Variants in DOCK8 observed in about 807,000 individuals in gnomAD.
DOCK8 encodes dedicator of cytokinesis 8.
In DOCK8, 141 loss-of-function variants were observed where a neutral mutation model predicts 245.6. The ratio of observed to expected loss-of-function variants is 0.57; its 90% CI spans 0.50 to 0.66. DOCK8 has a LOEUF of 0.66. Among genes scored for constraint, DOCK8 ranks in the 30% least tolerant of loss-of-function variants. DOCK8 has a pLI of 0.00. For synonymous variants in DOCK8, 1,168 were observed against 970.2 expected, an observed-to-expected ratio of 1.20 and a Z score of -3.79; for missense variants, 2,965 against 2,603.4, an observed-to-expected ratio of 1.14 and a Z score of -3.02.
intron 26 of DOCK8, among the ~76,000 whole-genome samples, chr9:403,177 C>G (rs749952394): frequency 5.3e-5 from 8 of 152,178 alleles, no homozygotes; most frequent in Non-Finnish European, 1.2e-4. Context: ...GTGTGAGCCA[C>G]CACACCCAGC....
chr9:303,067 G>A (rs2049631937), intron 4 of DOCK8, among the ~76,000 whole-genome samples: 1 of 152,054 alleles, frequency 6.6e-6, no homozygotes, highest in African/African-American at 2.4e-5. Flanking sequence ...GGCTGAGGTG[G>A]GAAGATTGCT....
At chr9:299,588 T>C (rs1242139405) in intron 4 of DOCK8, among the ~76,000 whole-genome samples, 1 of 151,994 alleles carries the variant, frequency 6.6e-6, no homozygotes, top group Non-Finnish European at 1.5e-5. Context: ...AAATCGTTTT[T>C]GGATGTTTAG....
Position 263,083 on chromosome 9 carries a change from T to C in DOCK8, c.54-8544T>C, listed in dbSNP as rs895013443. Among the ~76,000 whole-genome samples the C allele has an allele frequency of 4.6e-5, 7 of 152,134 alleles. No homozygotes were observed. In the South Asian group the frequency reaches 1.0e-3, roughly 23 times the overall value. On this transcript the variant is annotated intron_variant, in intron 1 of 47. Transcript: ENST00000432829. ...TGAGCCGGGCGTGGTGGCAGGTGCC[T>C]GTAGTCTCAGCTACTCAGGAGGCTG... is the stretch of plus-strand genomic sequence containing the variant.
intron 1 of DOCK8, among the ~76,000 whole-genome samples, chr9:234,211 G>A (rs2047192881): frequency 6.6e-6 from 1 of 152,196 alleles, no homozygotes; most frequent in African/African-American, 2.4e-5. Context: ...CTTTCAGAAT[G>A]TTGAATATTG....
Position 434,834 on chromosome 9 carries a change from G to C in DOCK8, c.4938G>C (p.Gln1646His). Residue 1646 changes from glutamine to histidine, a missense_variant, in exon 39 of 48, where the codon CAG becomes CAC. By Grantham distance (24) the Gln-to-His change is conservative. Around this residue, in one of 3 missense-constraint regions of DOCK8, gnomAD observed 2,825 missense variants for 2,453.5 expected, o/e 1.15. Coordinates refer to ENST00000432829, the MANE Select transcript of DOCK8 (RefSeq NM_203447.4). Reference sequence around the variant, plus strand: ...CTGATCTGCGGCTGACCTGGCTCCAGAACATGGCAGAGAAACACACCAAGA... The same window carrying C: ...CTGATCTGCGGCTGACCTGGCTCCACAACATGGCAGAGAAACACACCAAGA... ...ASPDLRLTWL[Q>H]NMAEKHTKKK... The C allele has an allele frequency of 1.9e-6, 3 of 1,614,154 alleles. No individual in the cohort carries two copies. The highest frequency in any genetic ancestry group is 2.5e-6 in the Non-Finnish European group (3 of 1,180,050).
intron 1 of DOCK8, among the ~76,000 whole-genome samples, chr9:263,406 T>C (rs1411197584): frequency 6.6e-6 from 1 of 152,156 alleles, no homozygotes; most frequent in Admixed American, 6.5e-5. Flanking sequence ...ACACATGAAA[T>C]CCGTTTACCC....
Position 446,397 on chromosome 9 carries a change from C to G in DOCK8, c.5608C>G (p.Pro1870Ala), listed in dbSNP as rs749473902. The change falls in exon 44 of 48, where the codon CCC becomes GCC. Residue 1870 changes from proline to alanine, a missense_variant. Pro to Ala is a conservative substitution (Grantham distance 27). Coordinates refer to ENST00000432829, the MANE Select transcript of DOCK8 (RefSeq NM_203447.4). ...KAYIQITFVE[P>A]YFDEYEMKDR... is the part of the protein sequence containing the mutation. Reference sequence around the variant, plus strand: ...CTACATACAGATCACTTTTGTGGAGCCCTACTTTGATGAGTATGAGATGAA... The same window carrying G: ...CTACATACAGATCACTTTTGTGGAGGCCTACTTTGATGAGTATGAGATGAA... The G allele has an allele frequency of 2.5e-6, 4 of 1,614,092 alleles. No individual in the cohort carries two copies. Among genetic ancestry groups the G allele is most frequent in the African/African-American group, 1.3e-5 (1 of 74,936 alleles).
chr9:288,783 G>A (rs893324127), intron 3 of DOCK8, among the ~76,000 whole-genome samples: 6 of 152,200 alleles, frequency 3.9e-5, no homozygotes, highest in African/African-American at 1.4e-4. Flanking sequence ...GAGACTGCAT[G>A]TGTAACCTTT....
intron 1 of DOCK8, among the ~76,000 whole-genome samples, chr9:221,132 C>T (rs1356059211): frequency 1.3e-5 from 2 of 152,100 alleles, no homozygotes; most frequent in South Asian, 2.1e-4. Context: ...GAACACATGT[C>T]GATGCAGCAT....
chr9:420,510 C>G lies in DOCK8; in HGVS notation c.3950C>G (p.Ala1317Gly). 6.2e-7 allele frequency: 1 copy of G among 1,614,174 alleles called. No individual in the cohort carries two copies. The highest frequency in any genetic ancestry group is 8.5e-7 in the Non-Finnish European group (1 of 1,180,038). Residue 1317 changes from alanine (A) to glycine (G), a missense_variant, in exon 31 of 48, where the codon GCT becomes GGT. Around this residue, in one of 3 missense-constraint regions of DOCK8, gnomAD observed 2,825 missense variants for 2,453.5 expected, o/e 1.15. Coordinates refer to ENST00000432829, the MANE Select transcript of DOCK8 (RefSeq NM_203447.4). ...CAGAGCCTCATTAGGAAGTGGATTG[C>G]TGACCTGCCATCAACGCAGCTCAAC... The part of the protein sequence containing the change: ...ADQSLIRKWI[A>G]DLPSTQLNRI...
chr9:402,786 C>T (rs1564019524), intron 26 of DOCK8, among the ~76,000 whole-genome samples: 1 of 152,226 alleles, frequency 6.6e-6, no homozygotes, highest in African/African-American at 2.4e-5. Context: ...AGCAAACACC[C>T]ATCCCTTGGG....
intron 16 of DOCK8, among the ~76,000 whole-genome samples, chr9:370,802 C>T (rs73641536): frequency 0.047 from 7,155 of 152,194 alleles, 534 homozygotes; most frequent in African/African-American, 0.16. Context: ...GGGAGAGACA[C>T]CTGCACAGTG....
chr9:333,324 G>T (rs182293778), intron 10 of DOCK8, among the ~76,000 whole-genome samples: 1 of 152,200 alleles, frequency 6.6e-6, no homozygotes, highest in Non-Finnish European at 1.5e-5. Flanking sequence ...GGCCTTGGCC[G>T]GGCGTGGTGG....
At chr9:311,622 A>G (rs2050114688) in intron 5 of DOCK8, among the ~76,000 whole-genome samples, 1 of 152,102 alleles carries the variant, frequency 6.6e-6, no homozygotes, top group South Asian at 2.1e-4. Context: ...ATGGTTCATT[A>G]AGAGGCTTGG....
At chr9:260,229 C>T (rs980024156) in intron 1 of DOCK8, among the ~76,000 whole-genome samples, 36 of 152,096 alleles carry the variant, frequency 2.4e-4, no homozygotes, top group African/African-American at 8.2e-4. Flanking sequence ...ACTTAGTATG[C>T]CCAAATGAAA....
chr9:355,869 A>G (rs1040815978), intron 14 of DOCK8, among the ~76,000 whole-genome samples: 5 of 152,218 alleles, frequency 3.3e-5, no homozygotes, highest in Non-Finnish European at 7.3e-5. Flanking sequence ...TACTGAGTGA[A>G]ATGGTCACTG....
intron 29 of DOCK8, among the ~76,000 whole-genome samples, chr9:416,360 G>A (rs1286752072): frequency 3.3e-5 from 5 of 152,184 alleles, no homozygotes; most frequent in South Asian, 2.1e-4. Flanking sequence ...TCAAGAGCTT[G>A]CTTGTTCCCA....
rs764270474 is a variant in DOCK8 at position 328,160 on chromosome 9, C to G, written c.1033C>G (p.Leu345Val). The part of the protein sequence containing the change: ...SVTYPSSDIY[L>V]VVKIEKVLQQ... ...CACCTACCCGTCCTCAGACATCTAC[C>G]TGGTAGTCAAGGTAATTCAGTACGA... is the stretch of plus-strand genomic sequence containing the variant. The change falls in exon 9 of 48, where the codon CTG becomes GTG. Residue 345 changes from leucine to valine, a missense_variant. Coordinates refer to ENST00000432829, the MANE Select transcript of DOCK8 (RefSeq NM_203447.4). The G allele has an allele frequency of 7.4e-6, 12 of 1,613,936 alleles. No homozygotes were observed. Among genetic ancestry groups the G allele is most frequent in the Non-Finnish European group, 1.0e-5 (12 of 1,179,896 alleles).
intron 38 of DOCK8, among the ~76,000 whole-genome samples, chr9:434,400 A>G (rs937705829): frequency 6.6e-6 from 1 of 152,188 alleles, no homozygotes; most frequent in Non-Finnish European, 1.5e-5. Context: ...GAAATTACTT[A>G]CAGAGGCAAA....
Sources: gnomAD v4.1 joint callset for allele counts (sites outside exome capture counted in the v4.1 genomes callset) on GRCh38, gnomAD v4.1.1 for gene constraint, gnomAD v4.1.1 regional missense constraint, MANE v1.5 for transcripts, NCBI Gene and HGNC (gene_info 2026-07-23, HGNC 2026-07-21) for gene names.